Variants in CRTAC1 observed in about 807,000 individuals in gnomAD.
CRTAC1 encodes the protein acidic secreted protein in cartilage.
A neutral mutation model predicts 67.8 loss-of-function variants in CRTAC1; 37 were observed. That is an observed-to-expected ratio of 0.55 (90% CI 0.42 to 0.72). CRTAC1 has a LOEUF of 0.72. Among genes scored for constraint, CRTAC1 ranks in the 30% least tolerant of loss-of-function variants. CRTAC1 has a pLI of 0.00. For missense variants in CRTAC1, 780 were observed against 931.6 expected (o/e 0.84, Z 2.12); for synonymous variants, 348 against 371.0 (o/e 0.94, Z 0.71).
At chr10:97,901,825 GAGA>G (rs895090762) in intron 7 of CRTAC1, among the ~76,000 whole-genome samples, 186 bp from the exon 8 acceptor site, 3 of 152,342 alleles carry the variant, frequency 2.0e-5, no homozygotes, top group South Asian at 2.1e-4. Context: ...CTGCTTGTAC[GAGA>G]AGAAGGAGGG....
intron 2 of CRTAC1, among the ~76,000 whole-genome samples, chr10:97,992,541 C>A (rs1020031926): frequency 6.6e-6 from 1 of 152,064 alleles, no homozygotes; most frequent in African/African-American, 2.4e-5. Flanking sequence ...ATGGAATCAA[C>A]CTAAGTGTCA....
At chr10:97,955,274 G>T (rs374801951) in intron 2 of CRTAC1, among the ~76,000 whole-genome samples, 7 of 152,244 alleles carry the variant, frequency 4.6e-5, no homozygotes, top group African/African-American at 1.4e-4. Context: ...GAGTAGAAGA[G>T]GGGGAGAAAG....
chr10:97,947,641 G>A (rs1030743023), intron 2 of CRTAC1, among the ~76,000 whole-genome samples: 1 of 152,166 alleles, frequency 6.6e-6, no homozygotes, highest in South Asian at 2.1e-4. Flanking sequence ...AAAAGAATGA[G>A]GTAGACAGAT....
chr10:97,911,910 AG>A (rs1356168085), intron 5 of CRTAC1, among the ~76,000 whole-genome samples: 22 of 152,344 alleles, frequency 1.4e-4, no homozygotes, highest in African/African-American at 5.3e-4. Context: ...ATGTTCTAAC[AG>A]GGAATTAACT....
chr10:98,001,953 AGT>A (rs933522043), intron 2 of CRTAC1, among the ~76,000 whole-genome samples: 3 of 152,246 alleles, frequency 2.0e-5, no homozygotes, highest in Non-Finnish European at 2.9e-5. Context: ...CTGGAGCAGC[AGT>A]GATGCTGAGA....
Position 98,013,467 on chromosome 10 carries a change from G to A in CRTAC1, c.25-2130C>T, listed in dbSNP as rs148244916. 1.3e-3 allele frequency among the ~76,000 whole-genome samples: 194 copies of A among 152,262 alleles called. 2 individuals carry two copies. The highest frequency in any genetic ancestry group is 4.4e-3 in the African/African-American group (181 of 41,560). Reference sequence around the variant, plus strand: ...TTTCTTTTAATTAAAGAAGACATACGAAAGAAGTAGCTGCTGTGTTATCCG... The same window carrying A: ...TTTCTTTTAATTAAAGAAGACATACAAAAGAAGTAGCTGCTGTGTTATCCG... On this transcript the variant is annotated intron_variant, in intron 1 of 14. Coordinates refer to ENST00000370597, the MANE Select transcript of CRTAC1 (RefSeq NM_018058.7).
At chr10:97,939,459 C>T (rs1247751841) in intron 2 of CRTAC1, among the ~76,000 whole-genome samples, 1 of 152,186 alleles carries the variant, frequency 6.6e-6, no homozygotes, top group Non-Finnish European at 1.5e-5. Context: ...CCCCCAGTCC[C>T]CACTGCCTCC....
intron 4 of CRTAC1, among the ~76,000 whole-genome samples, chr10:97,919,137 C>T (rs1347965004): frequency 6.6e-6 from 1 of 151,966 alleles, no homozygotes; most frequent in Non-Finnish European, 1.5e-5. Flanking sequence ...TGATTAAGAG[C>T]CACATGAGTC....
intron 11 of CRTAC1, among the ~76,000 whole-genome samples, chr10:97,891,918 CT>C (rs1488391585): frequency 3.3e-5 from 5 of 152,250 alleles, no homozygotes; most frequent in Non-Finnish European, 5.9e-5. Context: ...GGCCCTGCCC[CT>C]AGAGCAGCCT....
At chr10:97,919,948 T>C (rs775690973) in intron 4 of CRTAC1, among the ~76,000 whole-genome samples, 3 of 151,854 alleles carry the variant, frequency 2.0e-5, no homozygotes, top group Non-Finnish European at 2.9e-5. Context: ...AGAGTCTCCC[T>C]ATATTGCTGA....
chr10:98,006,290 C>T (rs1168713340), intron 2 of CRTAC1, among the ~76,000 whole-genome samples: 2 of 152,182 alleles, frequency 1.3e-5, no homozygotes, highest in East Asian at 1.9e-4. Flanking sequence ...CCTGAAGATC[C>T]TAAATGGTCT....
Position 97,915,552 on chromosome 10 carries a change from C to T in CRTAC1, c.715+1948G>A, listed in dbSNP as rs917971633. Among the ~76,000 whole-genome samples, 19 of 152,294 alleles carry T rather than the reference C, an allele frequency of 1.2e-4. No individual in the cohort carries two copies. In the East Asian group the frequency reaches 1.5e-3, roughly 12 times the overall value. ...CCACAGTGGTGCTGAGCGCTGGCCA[C>T]GCGCCCAAAGCCTCAGCCATCAGGC... On this transcript the variant is annotated intron_variant, in intron 5 of 14. Transcript: ENST00000370597.
At chr10:97,972,337 A>ACTTCAAGTTC (rs1314070803) in intron 2 of CRTAC1, among the ~76,000 whole-genome samples, 2 of 152,192 alleles carry the variant, frequency 1.3e-5, no homozygotes, top group Admixed American at 6.5e-5. Context: ...GTTATAAGGG[A>ACTTCAAGTTC]ACAGGGTGTG....
At chr10:97,965,740 T>C (rs992826108) in intron 2 of CRTAC1, among the ~76,000 whole-genome samples, 1 of 152,232 alleles carries the variant, frequency 6.6e-6, no homozygotes, top group African/African-American at 2.4e-5. Context: ...CTGAAGGAAG[T>C]GACAGGCCTG....
At chr10:98,008,541 T>G (rs1160421688) in intron 2 of CRTAC1, among the ~76,000 whole-genome samples, 3 of 150,394 alleles carry the variant, frequency 2.0e-5, no homozygotes, top group Non-Finnish European at 4.4e-5. Context: ...GGGGGAGGAG[T>G]GCAAGGTACT....
chr10:97,939,336 T>A (rs1173682623), intron 2 of CRTAC1, among the ~76,000 whole-genome samples: 1 of 152,156 alleles, frequency 6.6e-6, no homozygotes, highest in African/African-American at 2.4e-5. Context: ...AGAGGTAAGG[T>A]TGCTAGGCTG....
Position 98,005,081 on chromosome 10 carries a change from C to CATATATAT in CRTAC1, c.224+6049_224+6056dup, listed in dbSNP as rs1321278482. Among the ~76,000 whole-genome samples, 20 of 54,582 alleles carry CATATATAT rather than the reference C, an allele frequency of 3.7e-4. 1 individual carries two copies. Among genetic ancestry groups the CATATATAT allele is most frequent in the African/African-American group, 1.3e-3 (18 of 14,166 alleles). 35.8% of individuals were successfully genotyped at this position (54,582 alleles called of 152,430 possible). On this transcript the variant is annotated intron_variant, in intron 2 of 14. Coordinates refer to ENST00000370597, the MANE Select transcript of CRTAC1 (RefSeq NM_018058.7). ...TGCTTAAGTGTAATGTAAAGTAATA[C>CATATATAT]ATATATATATATATATATATTTTTT...
intron 2 of CRTAC1, among the ~76,000 whole-genome samples, chr10:97,977,413 C>T (rs2051825108): frequency 6.6e-6 from 1 of 152,194 alleles, no homozygotes. Flanking sequence ...TTAGGACCAG[C>T]TCTGCTCACC....
At chr10:97,911,994 G>A (rs984435143) in intron 5 of CRTAC1, among the ~76,000 whole-genome samples, 2 of 152,220 alleles carry the variant, frequency 1.3e-5, no homozygotes, top group Non-Finnish European at 2.9e-5. Flanking sequence ...GGCAGTGCTG[G>A]TTGTGGGAGA....
Sources: gnomAD v4.1 joint callset for allele counts (sites outside exome capture counted in the v4.1 genomes callset) on GRCh38, gnomAD v4.1.1 for gene constraint, MANE v1.5 for transcripts, NCBI Gene and HGNC (gene_info 2026-07-23, HGNC 2026-07-21) for gene names.